Variants in EPB41L2 observed in about 807,000 individuals in gnomAD.
EPB41L2 encodes the protein erythrocyte membrane protein band 4.1 like 2.
A neutral mutation model predicts 113.0 loss-of-function variants in EPB41L2; 43 were observed. The ratio of observed to expected loss-of-function variants is 0.38; its 90% confidence interval spans 0.30 to 0.49. The LOEUF (loss-of-function observed/expected upper bound fraction) is 0.49, where lower values mean the gene tolerates loss of function less well. Among genes scored for constraint, EPB41L2 ranks in the 20% least tolerant of loss-of-function variants. The pLI, the probability that EPB41L2 is intolerant of heterozygous loss-of-function variation, is 0.95. For missense variants in EPB41L2, 1,147 were observed against 1,223.4 expected, an observed-to-expected ratio of 0.94 and a Z score of 0.93; for synonymous variants, 442 against 436.7, an observed-to-expected ratio of 1.01 and a Z score of -0.15.
chr6:130,959,579 T>G (rs1042516780), intron 1 of EPB41L2, among the ~76,000 whole-genome samples: 4 of 152,198 alleles, frequency 2.6e-5, no homozygotes, highest in Admixed American at 6.5e-5. Flanking sequence ...TCTTTGCTGC[T>G]TCTCATTCTC....
In EPB41L2 at chr6:130,869,609, G is replaced by A. The variant is rs1229909689; in HGVS notation, c.2561C>T (p.Ser854Phe). The A allele has an allele frequency of 1.2e-6, 2 of 1,614,140 alleles. No individual in the cohort carries two copies. Among genetic ancestry groups the A allele is most frequent in the Admixed American group, 1.7e-5 (1 of 60,026 alleles). ...TGGCAAAACATCAATGTCAACATGG[G>A]ACACCTCTCCGTTAACTTTCTGTGG... Reference protein sequence around the residue: ...EEPQKVNGEVSHVDIDVLPQI... With the variant: ...EEPQKVNGEVFHVDIDVLPQI... Residue 854 changes from serine to phenylalanine, a missense_variant, in exon 15 of 20, where the codon TCC becomes TTC. Transcript: ENST00000337057.
At chr6:130,995,755 A>T (rs923836045) in intron 1 of EPB41L2, among the ~76,000 whole-genome samples, 14 of 152,156 alleles carry the variant, frequency 9.2e-5, no homozygotes, top group Admixed American at 8.5e-4. Context: ...CTTTGTCATG[A>T]TCTGCCTGAT....
chr6:130,850,984 T>C (rs985447365), intron 19 of EPB41L2, among the ~76,000 whole-genome samples: 2 of 152,232 alleles, frequency 1.3e-5, no homozygotes, highest in African/African-American at 4.8e-5. Flanking sequence ...AAAACTAGCT[T>C]TTTATTTCTA....
intron 1 of EPB41L2, among the ~76,000 whole-genome samples, chr6:130,966,877 T>C (rs1775354366): frequency 6.6e-6 from 1 of 152,154 alleles, no homozygotes; most frequent in Non-Finnish European, 1.5e-5. Context: ...TAAGATGGCC[T>C]AAGCTTTGGA....
intron 19 of EPB41L2, among the ~76,000 whole-genome samples, chr6:130,846,001 G>A (rs141946306): frequency 5.6e-4 from 86 of 152,294 alleles, no homozygotes; most frequent in African/African-American, 2.0e-3. Context: ...TTGGATACTA[G>A]GTAAACCTTT....
In EPB41L2 at chr6:130,956,304, C is replaced by A. The variant is rs146101782; in HGVS notation, c.182G>T (p.Arg61Leu). 1.1e-5 allele frequency: 17 copies of A among 1,613,982 alleles called. No individual in the cohort carries two copies. In the African/African-American group the frequency reaches 1.5e-4, roughly 14 times the overall value. The change falls in exon 2 of 20, where the codon CGC becomes CTC. Residue 61 changes from arginine (R) to leucine (L), a missense_variant. Coordinates refer to ENST00000337057, the MANE Select transcript of EPB41L2 (RefSeq NM_001431.4). The stretch of plus-strand genomic sequence containing the variant: ...CGATGTTTCCTTCTCTCTCTTCTGG[C>A]GGCGTAGACTACTTTGGCTTTCAGC... ...PAAESQSSLR[R>L]QKREKETSES... is the part of the protein sequence containing the mutation.
chr6:131,050,406 T>C (rs7743764), intron 1 of EPB41L2, among the ~76,000 whole-genome samples: 20,347 of 152,194 alleles, frequency 0.13, 1,446 homozygotes, highest in Admixed American at 0.16. Context: ...TTTCCTTATT[T>C]ATTCCCTGCA....
Position 130,956,206 on chromosome 6 carries a change from TG to T in EPB41L2, c.279del (p.Asp95MetfsTer18). 1 of 1,614,208 alleles carries T rather than the reference TG, an allele frequency of 6.2e-7. No homozygotes were observed. The highest frequency in any genetic ancestry group is 8.5e-7 in the Non-Finnish European group (1 of 1,180,030). ...GGCTCTTTTTTATCTCCTCCATCTT[TG>T]GCCACTACTAAGGTATATGACTTTT... is the stretch of plus-strand genomic sequence containing the variant. ...KKQKSYTLVVAKDGGDKKEPT... is the reference protein window; with the variant it reads ...KKQKSYTLVVXKDGGDKKEPT... On this transcript the variant is annotated frameshift_variant, in exon 2 of 20. Coordinates refer to ENST00000337057, the MANE Select transcript of EPB41L2 (RefSeq NM_001431.4). LOFTEE classifies it high-confidence loss of function.
intron 1 of EPB41L2, among the ~76,000 whole-genome samples, chr6:130,984,835 T>G (rs1444715271): frequency 6.6e-6 from 1 of 152,194 alleles, no homozygotes; most frequent in African/African-American, 2.4e-5. Context: ...TTTACGGGCT[T>G]GGGACCAAGA....
chr6:130,916,430 GA>G lies in EPB41L2; in HGVS notation c.811-7568del, dbSNP rs201178081. Among the ~76,000 whole-genome samples the G allele has an allele frequency of 4.8e-3, 726 of 150,124 alleles. 7 individuals carry two copies. Among genetic ancestry groups the G allele is most frequent in the East Asian group, 0.027 (141 of 5,152 alleles). The stretch of plus-strand genomic sequence containing the variant: ...CTCTAGTGACAGAAACATCTAGGGG[GA>G]AAAAAAAAGCTTAATTATGAATCCT... On this transcript the variant is annotated intron_variant, in intron 4 of 19. Coordinates refer to ENST00000337057, the MANE Select transcript of EPB41L2 (RefSeq NM_001431.4).
At chr6:130,891,225 A>C (rs945087476) in intron 10 of EPB41L2, among the ~76,000 whole-genome samples, 2 of 152,184 alleles carry the variant, frequency 1.3e-5, no homozygotes, top group African/African-American at 4.8e-5. Context: ...AATTCCACCG[A>C]AACTTTTCCT....
At chr6:130,974,390 A>G (rs1777640791) in intron 1 of EPB41L2, among the ~76,000 whole-genome samples, 1 of 152,144 alleles carries the variant, frequency 6.6e-6, no homozygotes, top group South Asian at 2.1e-4. Flanking sequence ...AGCACGAGCT[A>G]AGATGCCTAC....
chr6:130,995,290 G>A (rs186986626), intron 1 of EPB41L2, among the ~76,000 whole-genome samples: 8 of 152,158 alleles, frequency 5.3e-5, no homozygotes, highest in South Asian at 2.1e-4. Flanking sequence ...AGCCGAGATC[G>A]CACCACAGCA....
chr6:131,049,189 T>TG (rs1428688927), intron 1 of EPB41L2, among the ~76,000 whole-genome samples: 3 of 152,040 alleles, frequency 2.0e-5, no homozygotes, highest in Non-Finnish European at 4.4e-5. Context: ...CAGAGGGAGG[T>TG]GGGGGAAGAC....
At chr6:130,943,135 T>C (rs575023674) in intron 3 of EPB41L2, among the ~76,000 whole-genome samples, 3 of 152,312 alleles carry the variant, frequency 2.0e-5, no homozygotes, top group South Asian at 2.1e-4. Flanking sequence ...CTGGGTCAAA[T>C]GGTATTTCTG....
chr6:131,003,279 T>C (rs577935067), intron 1 of EPB41L2, among the ~76,000 whole-genome samples: 1 of 152,352 alleles, frequency 6.6e-6, no homozygotes, highest in Non-Finnish European at 1.5e-5. Context: ...AAGCCATGAA[T>C]GTAGCATACA....
At chr6:130,876,573 T>G (rs1177067367) in intron 14 of EPB41L2, 1 of 617,532 alleles carries the variant, frequency 1.6e-6, no homozygotes, top group Non-Finnish European at 2.4e-6. Context: ...CAAAAAAATT[T>G]TAGTATGACA....
intron 1 of EPB41L2, among the ~76,000 whole-genome samples, chr6:131,035,651 T>TG (rs1279706910): frequency 6.6e-6 from 1 of 152,220 alleles, no homozygotes; most frequent in Admixed American, 6.5e-5. Context: ...TACAGGGTAT[T>TG]GAGTCCAGTT....
intron 19 of EPB41L2, among the ~76,000 whole-genome samples, chr6:130,852,874 C>T (rs1198754735): frequency 6.6e-6 from 1 of 152,166 alleles, no homozygotes; most frequent in Non-Finnish European, 1.5e-5. Context: ...TTCAATGCTT[C>T]CAATCCTGCC....
Sources: gnomAD v4.1 joint callset for allele counts (sites outside exome capture counted in the v4.1 genomes callset) on GRCh38, gnomAD v4.1.1 for gene constraint, MANE v1.5 for transcripts, NCBI Gene and HGNC (gene_info 2026-07-23, HGNC 2026-07-21) for gene names.